Variants in SYT14 observed in about 807,000 individuals in gnomAD.
SYT14 encodes the protein synaptotagmin 14, also known as synaptotagmin-14.
SYT14 carries 32 observed loss-of-function variants against 74.2 expected under a neutral mutation model. That is an observed-to-expected ratio of 0.43 (90% confidence interval 0.33 to 0.58). SYT14 has a LOEUF of 0.58. SYT14 is among the 20% of genes least tolerant of loss of function. SYT14 has a pLI of 0.05. For synonymous variants in SYT14, 298 were observed against 337.7 expected (o/e 0.88, Z 1.29); for missense variants, 791 against 981.8 (o/e 0.81, Z 2.60).
intron 6 of SYT14, among the ~76,000 whole-genome samples, chr1:210,099,147 G>T (rs1435951911): frequency 1.3e-5 from 2 of 152,098 alleles, no homozygotes; most frequent in African/African-American, 4.8e-5. Context: ...TAAAATACTT[G>T]AAGAGGCAAA....
At chr1:210,047,363 C>T (rs1355021075) in intron 5 of SYT14, among the ~76,000 whole-genome samples, 6 of 151,674 alleles carry the variant, frequency 4.0e-5, no homozygotes, top group Non-Finnish European at 8.8e-5. Flanking sequence ...CATTATTTAT[C>T]CTTTTCTTGT....
chr1:209,975,376 A>G (rs1477250037), intron 2 of SYT14, among the ~76,000 whole-genome samples: 1 of 152,160 alleles, frequency 6.6e-6, no homozygotes, highest in Non-Finnish European at 1.5e-5. Context: ...TTTGAGATAC[A>G]TCCCATCAAT....
At chr1:209,953,174 C>T (rs200442495) in intron 2 of SYT14, 3 of 1,288,282 alleles carry the variant, frequency 2.3e-6, no homozygotes, top group East Asian at 1.1e-4. Context: ...AAGACCACAA[C>T]ATCCTTTGAC....
chr1:209,971,846 CTT>C (rs1241744402), intron 2 of SYT14, among the ~76,000 whole-genome samples: 2 of 152,096 alleles, frequency 1.3e-5, no homozygotes, highest in Admixed American at 6.6e-5. Context: ...CTGAAGTTTT[CTT>C]TTTTTGTTGT....
intron 2 of SYT14, among the ~76,000 whole-genome samples, chr1:209,978,526 G>A (rs1316241921): frequency 1.3e-5 from 2 of 152,138 alleles, no homozygotes; most frequent in Admixed American, 1.3e-4. Context: ...AGCAGATATT[G>A]GTGATCAGCA....
chr1:210,057,140 C>T (rs1178424203), intron 5 of SYT14, among the ~76,000 whole-genome samples: 2 of 152,070 alleles, frequency 1.3e-5, no homozygotes, highest in Admixed American at 6.6e-5. Context: ...CCACCACGCC[C>T]GACCCCAGTT....
chr1:210,135,688 G>A (rs997357401), intron 7 of SYT14, among the ~76,000 whole-genome samples: 7 of 152,238 alleles, frequency 4.6e-5, no homozygotes, highest in African/African-American at 1.4e-4. Flanking sequence ...ATTGTTGGGT[G>A]CTAAATTATT....
exon 10 of SYT14, chr1:210,168,130 T>G (rs2083475552): frequency 1.3e-5 from 2 of 153,280 alleles, no homozygotes; most frequent in Non-Finnish European, 2.9e-5. Flanking sequence ...ATCCTAAAAT[T>G]ATGTTGTGTG....
chr1:210,067,634 TA>T (rs956422095), intron 5 of SYT14, among the ~76,000 whole-genome samples: 2 of 151,954 alleles, frequency 1.3e-5, no homozygotes, highest in Non-Finnish European at 2.9e-5. Flanking sequence ...TTATGCATCT[TA>T]AACGTATTTT....
chr1:210,094,179 A>G (rs2081927047), intron 5 of SYT14, 143 bp from the exon 5 acceptor site: 1 of 1,094,214 alleles, frequency 9.1e-7, no homozygotes, highest in East Asian at 2.5e-5. Flanking sequence ...AACTAGGGAA[A>G]AAGAGAAGTC....
intron 2 of SYT14, among the ~76,000 whole-genome samples, chr1:209,972,684 G>T (rs939684162): frequency 2.0e-5 from 3 of 152,030 alleles, no homozygotes; most frequent in Non-Finnish European, 2.9e-5. Context: ...ATTGATTTCT[G>T]TTTTTATTTC....
chr1:209,991,108 TCA>T (rs2102841608), intron 2 of SYT14, among the ~76,000 whole-genome samples: 1 of 152,164 alleles, frequency 6.6e-6, no homozygotes, highest in South Asian at 2.1e-4. Flanking sequence ...CTCCTAACTC[TCA>T]CCACATACAA....
chr1:210,144,333 G>A (rs1003595851), intron 7 of SYT14, among the ~76,000 whole-genome samples: 1 of 152,068 alleles, frequency 6.6e-6, no homozygotes, highest in African/African-American at 2.4e-5. Flanking sequence ...AATACAATGT[G>A]TTCCCTAATA....
chr1:209,975,140 C>A (rs1243291978), intron 2 of SYT14, among the ~76,000 whole-genome samples: 1 of 152,172 alleles, frequency 6.6e-6, no homozygotes, highest in South Asian at 2.1e-4. Context: ...TCTAGATATA[C>A]AATCACGTCA....
At chr1:210,093,671 G>T (rs1215465347) in intron 5 of SYT14, among the ~76,000 whole-genome samples, 2 of 152,134 alleles carry the variant, frequency 1.3e-5, no homozygotes, top group Non-Finnish European at 2.9e-5. Flanking sequence ...ATGTAGAGTG[G>T]GATAGAGTGC....
chr1:209,998,864 T>C (rs1278270434), intron 2 of SYT14, among the ~76,000 whole-genome samples: 2 of 151,936 alleles, frequency 1.3e-5, no homozygotes, highest in African/African-American at 2.4e-5. Flanking sequence ...GGAGAAATAC[T>C]TCAGGACATT....
chr1:210,121,523 G>A (rs1016799479), intron 7 of SYT14, among the ~76,000 whole-genome samples: 4 of 152,128 alleles, frequency 2.6e-5, no homozygotes, highest in South Asian at 2.1e-4. Context: ...GGCCAGGCGC[G>A]GTGGCTCACA....
At chr1:210,022,298 C>T (rs2080319650) in intron 5 of SYT14, among the ~76,000 whole-genome samples, 2 of 152,240 alleles carry the variant, frequency 1.3e-5, no homozygotes, top group Non-Finnish European at 1.5e-5. Flanking sequence ...TGCTAGTACA[C>T]AGATATAATA....
chr1:209,938,284 G>T lies in SYT14; in HGVS notation c.-534+7G>T. Reference sequence around the variant, plus strand: ...CGCATCATGGCGATTGAAGGTAAGTGGAGGCTGACAGCGGGGAGCGAGGAC... The same window carrying T: ...CGCATCATGGCGATTGAAGGTAAGTTGAGGCTGACAGCGGGGAGCGAGGAC... On this transcript the variant is annotated splice_region_variant and intron_variant, in intron 1 of 9. Coordinates refer to ENST00000637265, the Ensembl canonical transcript of SYT14. 1 of 1,559,626 alleles carries T rather than the reference G, an allele frequency of 6.4e-7. No homozygotes were observed. The highest frequency in any genetic ancestry group is 2.5e-5 in the East Asian group (1 of 39,812).
Sources: gnomAD v4.1 joint callset for allele counts (sites outside exome capture counted in the v4.1 genomes callset) on GRCh38, gnomAD v4.1.1 for gene constraint, MANE v1.5 for transcripts, NCBI Gene and HGNC (gene_info 2026-07-23, HGNC 2026-07-21) for gene names.